The following CLIP2 variants were observed in gnomAD, a reference collection of about 807,000 sequenced individuals.
CLIP2 encodes the protein CAP-Gly domain-containing linker protein 2.
Under a neutral mutation model 111.7 loss-of-function variants are expected in CLIP2, and 41 were observed. That is an observed-to-expected ratio of 0.37 (90% CI 0.29 to 0.48). The LOEUF is 0.48. CLIP2 is among the 20% of genes least tolerant of loss of function. CLIP2 has a pLI of 0.99. For synonymous variants in CLIP2, 660 were observed against 644.2 expected (o/e 1.02, Z -0.37); for missense variants, 1,160 against 1,422.1 (o/e 0.82, Z 2.96).
chr7:74,326,553 G>A (rs568201696), intron 2 of CLIP2, among the ~76,000 whole-genome samples: 1 of 152,272 alleles, frequency 6.6e-6, no homozygotes, highest in Admixed American at 6.5e-5. Context: ...CTTAGACGGG[G>A]AGTTGGGCTA....
intron 14 of CLIP2, among the ~76,000 whole-genome samples, chr7:74,397,860 G>C (rs191806659): frequency 0.015 from 2,340 of 151,278 alleles, 28 homozygotes; most frequent in Non-Finnish European, 0.022. Context: ...GTAGAGACAG[G>C]GTTTCACCGT....
chr7:74,390,121 AAAG>A (rs1370595191), intron 13 of CLIP2, among the ~76,000 whole-genome samples: 2 of 135,036 alleles, frequency 1.5e-5, no homozygotes, highest in East Asian at 2.1e-4. Flanking sequence ...GAAAGAAAGA[AAAG>A]AGAGAGAGAG....
chr7:74,307,059 C>T (rs1427528782), intron 1 of CLIP2, among the ~76,000 whole-genome samples: 1 of 152,228 alleles, frequency 6.6e-6, no homozygotes, highest in Non-Finnish European at 1.5e-5. Context: ...GTGGCCTCCC[C>T]CTTCTTCCTG....
chr7:74,306,167 G>A (rs1302414629), intron 1 of CLIP2, among the ~76,000 whole-genome samples: 3 of 152,146 alleles, frequency 2.0e-5, no homozygotes, highest in Admixed American at 6.5e-5. Context: ...TCCCGGTTAC[G>A]GGTCCCTTGC....
At chr7:74,300,336 T>G (rs1788297648) in intron 1 of CLIP2, among the ~76,000 whole-genome samples, 1 of 152,130 alleles carries the variant, frequency 6.6e-6, no homozygotes, top group Non-Finnish European at 1.5e-5. Flanking sequence ...CTCTGTATTT[T>G]CATGTATACC....
intron 1 of CLIP2, among the ~76,000 whole-genome samples, chr7:74,314,345 G>A (rs569103059): frequency 1.1e-4 from 16 of 152,090 alleles, no homozygotes; most frequent in African/African-American, 3.4e-4. Flanking sequence ...ACAAAAATTA[G>A]CCAGGCATGG....
chr7:74,396,762 C>T (rs921348582), intron 13 of CLIP2, among the ~76,000 whole-genome samples: 1 of 152,138 alleles, frequency 6.6e-6, no homozygotes, highest in African/African-American at 2.4e-5. Flanking sequence ...CTCAAATGAT[C>T]CGCCCACCTC....
At chr7:74,364,427 C>A in intron 8 of CLIP2, 112 bp downstream of exon 8, 1 of 902,354 alleles carries the variant, frequency 1.1e-6, no homozygotes, top group South Asian at 1.6e-5. Flanking sequence ...GGGGAAGGGG[C>A]TGGGGGGGAA....
chr7:74,302,360 C>A (rs1182497808), intron 1 of CLIP2, among the ~76,000 whole-genome samples: 1 of 151,808 alleles, frequency 6.6e-6, no homozygotes, highest in East Asian at 1.9e-4. Flanking sequence ...GGATTACAGG[C>A]GCACACCACC....
Position 74,373,052 on chromosome 7 carries a change from C to T in CLIP2, c.1485+16C>T. The T allele has an allele frequency of 6.5e-7, 1 of 1,534,416 alleles. No homozygotes were observed. Among genetic ancestry groups the T allele is most frequent in the Non-Finnish European group, 8.8e-7 (1 of 1,133,526 alleles). On this transcript the variant is annotated intron_variant, in intron 9 of 16. Coordinates refer to ENST00000223398, the MANE Select transcript of CLIP2 (RefSeq NM_003388.5). ...GGACAACAGGGTAACCGCGCCACCG[C>T]ACCCGCCTGGCCCGCCAGCCACCTT...
intron 9 of CLIP2, 145 bp from the exon 10 acceptor site, chr7:74,375,742 A>G (rs989829608): frequency 1.6e-6 from 1 of 626,988 alleles, no homozygotes; most frequent in South Asian, 2.1e-5. Context: ...GGAGGGAGTG[A>G]GCGCCTTTCC....
rs546009548 is a variant in CLIP2 at position 74,347,377 on chromosome 7, T to C, written c.679-6503T>C. On this transcript the variant is annotated intron_variant, in intron 3 of 16. Coordinates refer to ENST00000223398, the MANE Select transcript of CLIP2 (RefSeq NM_003388.5). ...TCCGCCTCCCGGGTTCACGCCATTC[T>C]CCTGCCTCAGCCTCCCGGGTAGCTG... Among the ~76,000 whole-genome samples the C allele has an allele frequency of 1.9e-4, 29 of 152,318 alleles. No individual in the cohort carries two copies. The South Asian group carries it at 5.8e-3, about 30-fold the overall frequency.
At chr7:74,302,407 GT>G (rs1165614085) in intron 1 of CLIP2, among the ~76,000 whole-genome samples, 1 of 151,910 alleles carries the variant, frequency 6.6e-6, no homozygotes, top group African/African-American at 2.4e-5. Context: ...TAGAGATGGG[GT>G]TTCACCATGT....
chr7:74,296,984 G>A (rs113405015), intron 1 of CLIP2, among the ~76,000 whole-genome samples: 1,677 of 152,092 alleles, frequency 0.011, 36 homozygotes, highest in African/African-American at 0.038. Context: ...AGACACCATC[G>A]TCCCCAGTTA....
intron 1 of CLIP2, among the ~76,000 whole-genome samples, chr7:74,294,958 G>GGTTTT (rs1427455805): frequency 1.3e-5 from 2 of 151,874 alleles, no homozygotes; most frequent in African/African-American, 2.4e-5. Flanking sequence ...ACTGGGGCTA[G>GGTTTT]GTTTTGTTTT....
At chr7:74,336,848 TTTG>T (rs1564048906) in intron 2 of CLIP2, among the ~76,000 whole-genome samples, 25 of 25,268 alleles carry the variant, frequency 9.9e-4, no homozygotes, top group Non-Finnish European at 2.7e-3. Context: ...ACTATGGTTG[TTTG>T]TTTTTTTTGT....
Position 74,376,450 on chromosome 7 carries a change from G to C in CLIP2, c.2049G>C (p.Glu683Asp). The C allele has an allele frequency of 6.2e-7, 1 of 1,613,970 alleles. No individual in the cohort carries two copies. Among genetic ancestry groups the C allele is most frequent in the African/African-American group, 1.3e-5 (1 of 75,044 alleles). The change falls in exon 10 of 17, where the codon GAG becomes GAC. Residue 683 changes from glutamate to aspartate, a missense_variant. Transcript: ENST00000223398. This position sits in a 1 kb window ranked among gnomAD's most constrained non-coding sequence, Gnocchi z 7.1. ...CCGCCATGCACGTGAAGGAGAAGGA[G>C]GCCCTGCGAGAGAAGCTGCAGGAGG... ...LETAMHVKEKEALREKLQEAQ... is the reference protein window; with the variant it reads ...LETAMHVKEKDALREKLQEAQ...
At chr7:74,396,823 C>A (rs1037303963) in intron 13 of CLIP2, among the ~76,000 whole-genome samples, 1 of 151,950 alleles carries the variant, frequency 6.6e-6, no homozygotes, top group Non-Finnish European at 1.5e-5. Context: ...GCTCTGCACT[C>A]CCCCCACAAC....
chr7:74,362,700 A>G (rs1312405429), intron 7 of CLIP2, among the ~76,000 whole-genome samples: 1 of 151,394 alleles, frequency 6.6e-6, no homozygotes, highest in Non-Finnish European at 1.5e-5. Flanking sequence ...ATGCCTGGCT[A>G]ATTTTTATAT....
Sources: allele counts gnomAD v4.1 joint callset (sites outside exome capture counted in the v4.1 genomes callset), GRCh38; gene constraint gnomAD v4.1.1; non-coding constraint Gnocchi (gnomAD v3.1); transcripts MANE v1.5; gene names NCBI Gene and HGNC (gene_info 2026-07-23, HGNC 2026-07-21).